ARL5A: variants seen among roughly 807,000 people sequenced by gnomAD.
ARL5A encodes the protein ARF like GTPase 5A.
In ARL5A, 18 loss-of-function variants were observed where a neutral mutation model predicts 25.9. The observed-to-expected ratio is 0.69, with a 90% CI of 0.48 to 1.03. The LOEUF (loss-of-function observed/expected upper bound fraction) is 1.03, where lower values mean the gene tolerates loss of function less well. Among genes scored for constraint, ARL5A ranks in the 50% least tolerant of loss-of-function variants. ARL5A has a pLI of 0.00. For synonymous variants in ARL5A, 61 were observed against 67.5 expected (o/e 0.90, Z 0.47); for missense variants, 170 against 211.9 (o/e 0.80, Z 1.23).
rs1345301263 is a variant in ARL5A, at chr2:151,800,999, CATTTT to C, written c.*2272_*2276del. 2 of 152,562 alleles carry C rather than the reference CATTTT, an allele frequency of 1.3e-5. No individual in the cohort carries two copies. The highest frequency in any genetic ancestry group is 4.8e-5 in the African/African-American group (2 of 41,438). The allele number at this position is 152,562 out of a possible 1,614,324, so 9.5% of individuals were successfully genotyped here. The stretch of plus-strand genomic sequence containing the variant: ...CAATATGACTTTTCACCAGCTTCTC[CATTTT>C]ATTTGAAAATAATACTTTTAAAATG... On this transcript the variant is annotated 3_prime_UTR_variant, in exon 6 of 6. Coordinates refer to ENST00000295087, the MANE Select transcript of ARL5A (RefSeq NM_012097.4).
chr2:151,822,203 G>T (rs2099832436), intron 1 of ARL5A, among the ~76,000 whole-genome samples: 1 of 151,970 alleles, frequency 6.6e-6, no homozygotes, highest in South Asian at 2.1e-4. Context: ...AGAGATAGGG[G>T]TTTTGCCATG....
intron 5 of ARL5A, among the ~76,000 whole-genome samples, chr2:151,804,549 T>C (rs1209703132): frequency 6.6e-6 from 1 of 152,198 alleles, no homozygotes; most frequent in Non-Finnish European, 1.5e-5. Flanking sequence ...GGTTGTCCCA[T>C]ACTTTTCTCC....
At chr2:151,823,474 C>A (rs2099832628) in intron 1 of ARL5A, among the ~76,000 whole-genome samples, 1 of 151,368 alleles carries the variant, frequency 6.6e-6, no homozygotes, top group Non-Finnish European at 1.5e-5. Context: ...AATTAGAGAT[C>A]CAATCAGGAG....
intron 1 of ARL5A, among the ~76,000 whole-genome samples, chr2:151,818,158 C>T (rs1193355803): frequency 6.6e-6 from 1 of 152,178 alleles, no homozygotes; most frequent in African/African-American, 2.4e-5. Flanking sequence ...AAATGAATGA[C>T]AAGTAACAAG....
At position 151,828,038 on chromosome 2, in the gene ARL5A, C is replaced by G. The variant is rs1055413646; in HGVS notation, c.46+93G>C. 3 of 1,398,488 alleles carry G rather than the reference C, an allele frequency of 2.1e-6. No individual in the cohort carries two copies. The African/African-American group carries it at 4.3e-5, about 20-fold the overall frequency. 86.6% of individuals were successfully genotyped at this position (1,398,488 alleles called of 1,614,324 possible). A position where few individuals can be genotyped will look rare whatever the true frequency, so the allele number is the denominator to read the frequency against. ...CGCGCTGAGCTGGCGCCCGACCGAGCCGCCCACATTCCGAAGTATTCGGAG... is the reference window on the plus strand; with the variant it reads ...CGCGCTGAGCTGGCGCCCGACCGAGGCGCCCACATTCCGAAGTATTCGGAG... On this transcript the variant is annotated intron_variant, in intron 1 of 5. Transcript: ENST00000295087.
chr2:151,826,662 C>T (rs956407384), intron 1 of ARL5A, among the ~76,000 whole-genome samples: 12 of 152,302 alleles, frequency 7.9e-5, no homozygotes, highest in African/African-American at 2.9e-4. Context: ...AGTCTTACAG[C>T]AATGTACGTT....
intron 3 of ARL5A, among the ~76,000 whole-genome samples, chr2:151,813,452 T>C (rs941349597): frequency 2.0e-5 from 3 of 152,220 alleles, no homozygotes; most frequent in Non-Finnish European, 4.4e-5. Flanking sequence ...GTAGCATATA[T>C]ACCTTTATAA....
At chr2:151,818,165 C>T (rs1028245446) in intron 1 of ARL5A, among the ~76,000 whole-genome samples, 19 of 152,156 alleles carry the variant, frequency 1.2e-4, no homozygotes, top group African/African-American at 4.6e-4. Flanking sequence ...TGACAAGTAA[C>T]AAGTCTATCC....
At chr2:151,812,646 TATG>T (rs1331069933) in intron 3 of ARL5A, among the ~76,000 whole-genome samples, 1 of 152,166 alleles carries the variant, frequency 6.6e-6, no homozygotes, top group Non-Finnish European at 1.5e-5. Flanking sequence ...GAAAAGAGAA[TATG>T]ATATTAACAT....
At chr2:151,815,959 A>G (rs10169098) in intron 1 of ARL5A, among the ~76,000 whole-genome samples, 14,572 of 152,256 alleles carry the variant, frequency 0.096, 909 homozygotes, top group African/African-American at 0.18. Flanking sequence ...AAGACAGCAC[A>G]GCATGTGGTA....
At chr2:151,810,350 A>C (rs2099830682) in intron 4 of ARL5A, 1 of 197,354 alleles carries the variant, frequency 5.1e-6, no homozygotes, top group Non-Finnish European at 1.1e-5. Context: ...TCCAACTAAC[A>C]TCATGTCTAC....
At chr2:151,815,753 C>G (rs577676808) in intron 1 of ARL5A, among the ~76,000 whole-genome samples, 22 of 152,316 alleles carry the variant, frequency 1.4e-4, no homozygotes, top group Non-Finnish European at 2.1e-4. Flanking sequence ...TCCCTCCCCC[C>G]ATTTGGCTTC....
Position 151,803,312 on chromosome 2 carries a change from T to G in ARL5A, c.504A>C (p.Gly168=), listed in dbSNP as rs541973129. 9 of 1,612,668 alleles carry G rather than the reference T, an allele frequency of 5.6e-6. No individual in the cohort carries two copies. The East Asian group carries it at 2.0e-4, about 36-fold the overall frequency. ...CALTGEGLCQ[G]LEWMMSRLKI... Reference sequence around the variant, plus strand: ...TAAGTCGTGACATCATCCATTCAAGTCCTTGGCACAATCTATAAAGAAAAC... The same window carrying G: ...TAAGTCGTGACATCATCCATTCAAGGCCTTGGCACAATCTATAAAGAAAAC... Residue 168 remains glycine (G), a synonymous_variant, in exon 6 of 6, where the codon GGA becomes GGC. Coordinates refer to ENST00000295087, the MANE Select transcript of ARL5A (RefSeq NM_012097.4).
chr2:151,820,056 C>G (rs541511519), intron 1 of ARL5A, among the ~76,000 whole-genome samples: 2 of 152,290 alleles, frequency 1.3e-5, no homozygotes, highest in Non-Finnish European at 2.9e-5. Flanking sequence ...CTGCTGTGAA[C>G]AAAACCATGT....
chr2:151,818,029 A>G (rs1340356165), intron 1 of ARL5A, among the ~76,000 whole-genome samples: 1 of 152,212 alleles, frequency 6.6e-6, no homozygotes, highest in Non-Finnish European at 1.5e-5. Context: ...TCCCAGATCC[A>G]CAAACAATTC....
intron 1 of ARL5A, among the ~76,000 whole-genome samples, chr2:151,826,157 C>G (rs990612262): frequency 6.6e-6 from 1 of 152,108 alleles, no homozygotes; most frequent in Non-Finnish European, 1.5e-5. Flanking sequence ...CAACAAATAT[C>G]TGGCATTAGA....
At position 151,821,373 on chromosome 2, in the gene ARL5A, G is replaced by A. The variant is rs191703704; in HGVS notation, c.47-6174C>T. Among the ~76,000 whole-genome samples the A allele has an allele frequency of 9.2e-5, 14 of 152,162 alleles. No homozygotes were observed. In the South Asian group the frequency reaches 1.2e-3, roughly 14 times the overall value. On this transcript the variant is annotated intron_variant, in intron 1 of 5. Transcript: ENST00000295087. ...GTTAAAATACTTCAAAAACAAAAAG[G>A]AGGAAAGAAACTCCAATCAAACATA...
rs1265331178 is a variant in ARL5A at position 151,801,310 on chromosome 2, T to C, written c.*1966A>G. 1 of 152,198 alleles carries C rather than the reference T, an allele frequency of 6.6e-6. No homozygotes were observed. Among genetic ancestry groups the C allele is most frequent in the Admixed American group, 6.5e-5 (1 of 15,278 alleles). 9.4% of individuals were successfully genotyped at this position (152,198 alleles called of 1,614,324 possible). A position where few individuals can be genotyped will look rare whatever the true frequency, so the allele number is the denominator to read the frequency against. ...ATGATGACAAGGGAATGTGCTGATA[T>C]CGTGTTAAACTGATGTGGCAGTAAT... is the stretch of plus-strand genomic sequence containing the variant. On this transcript the variant is annotated 3_prime_UTR_variant, in exon 6 of 6. Coordinates refer to ENST00000295087, the MANE Select transcript of ARL5A (RefSeq NM_012097.4).
chr2:151,800,721 A>G lies in ARL5A; in HGVS notation c.*2555T>C, dbSNP rs1578368206. On this transcript the variant is annotated 3_prime_UTR_variant, in exon 6 of 6. Transcript: ENST00000295087. ...GTACTTTTACAGATGCTATTATGAT[A>G]AAATTAAACATATTCAAATGCTTAT... 6.6e-6 allele frequency: 1 copy of G among 152,260 alleles called. No homozygotes were observed. Among genetic ancestry groups the G allele is most frequent in the Non-Finnish European group, 1.5e-5 (1 of 68,022 alleles). The allele number at this position is 152,260 out of a possible 1,614,324, so 9.4% of individuals were successfully genotyped here.
Sources: gnomAD v4.1 joint callset for allele counts (sites outside exome capture counted in the v4.1 genomes callset) on GRCh38, gnomAD v4.1.1 for gene constraint, MANE v1.5 for transcripts, NCBI Gene and HGNC (gene_info 2026-07-23, HGNC 2026-07-21) for gene names.